HS6ST3: variants seen among roughly 807,000 people sequenced by gnomAD.
HS6ST3 encodes the protein heparan-sulfate 6-O-sulfotransferase 3.
Under a neutral mutation model 36.7 loss-of-function variants are expected in HS6ST3, and 12 were observed. The ratio of observed to expected loss-of-function variants is 0.33; its 90% CI spans 0.21 to 0.53. The LOEUF is 0.53. HS6ST3 is among the 20% of genes least tolerant of loss of function. The probability of loss-of-function intolerance (pLI) is 0.95; values close to 1 mark genes in which losing one functional copy is unlikely to be tolerated. For missense variants in HS6ST3, 584 were observed against 640.9 expected (o/e 0.91, Z 0.96); for synonymous variants, 240 against 257.5 (o/e 0.93, Z 0.65).
chr13:96,220,526 A>C (rs1184914197), intron 1 of HS6ST3, among the ~76,000 whole-genome samples: 1 of 152,072 alleles, frequency 6.6e-6, no homozygotes, highest in African/African-American at 2.4e-5. Flanking sequence ...TTTTCTCTAA[A>C]CTATTTGAGC....
chr13:96,473,297 T>A (rs2055848204), intron 1 of HS6ST3, among the ~76,000 whole-genome samples: 1 of 152,240 alleles, frequency 6.6e-6, no homozygotes, highest in Admixed American at 6.5e-5. Flanking sequence ...GTGATGAGTG[T>A]AGCCACGACT....
intron 1 of HS6ST3, among the ~76,000 whole-genome samples, chr13:96,269,783 C>T (rs1431301942): frequency 6.6e-6 from 1 of 151,956 alleles, no homozygotes; most frequent in Non-Finnish European, 1.5e-5. Flanking sequence ...AGATGATAAG[C>T]AGGATGATCT....
chr13:96,832,921 A>G lies in HS6ST3; in HGVS notation c.1139A>G (p.Asn380Ser), dbSNP rs770052568. 6 of 1,614,186 alleles carry G rather than the reference A, an allele frequency of 3.7e-6. No individual in the cohort carries two copies. The South Asian group carries it at 6.6e-5, about 18-fold the overall frequency. ...TTCATCTCCCCCTTCACACAGTTCAACATCACGCGGGCTTCTAACGTGGAG... is the reference window on the plus strand; with the variant it reads ...TTCATCTCCCCCTTCACACAGTTCAGCATCACGCGGGCTTCTAACGTGGAG... ...LKFISPFTQF[N>S]ITRASNVEIN... Residue 380 changes from asparagine (N) to serine (S), a missense_variant, in exon 2 of 2, where the codon AAC becomes AGC. Transcript: ENST00000376705.
intron 1 of HS6ST3, among the ~76,000 whole-genome samples, chr13:96,158,652 C>CAA (rs397954592): frequency 0.17 from 11,850 of 68,278 alleles, 2,431 homozygotes; most frequent in African/African-American, 0.22. Context: ...GACTCCGTCT[C>CAA]AAAAAAAAAA....
At chr13:96,247,945 G>T (rs765703242) in intron 1 of HS6ST3, among the ~76,000 whole-genome samples, 7 of 152,046 alleles carry the variant, frequency 4.6e-5, no homozygotes, top group Non-Finnish European at 1.0e-4. Flanking sequence ...CTTCTCACTT[G>T]GGTGTCAACT....
chr13:96,797,689 G>A (rs115104276), intron 1 of HS6ST3, among the ~76,000 whole-genome samples: 204 of 151,994 alleles, frequency 1.3e-3, no homozygotes, highest in African/African-American at 4.3e-3. Flanking sequence ...ACCTTTCAAC[G>A]GGATTATGTA....
chr13:96,317,555 A>G (rs1211832234), intron 1 of HS6ST3, among the ~76,000 whole-genome samples: 5 of 151,050 alleles, frequency 3.3e-5, no homozygotes. Flanking sequence ...GTAATGATCT[A>G]TTTTCCTTTG....
chr13:96,407,302 A>G (rs555309706), intron 1 of HS6ST3, among the ~76,000 whole-genome samples: 38 of 152,290 alleles, frequency 2.5e-4, no homozygotes, highest in African/African-American at 8.9e-4. Flanking sequence ...ATAGTTCTTC[A>G]GGCAGTACGT....
At chr13:96,196,221 T>C (rs564898700) in intron 1 of HS6ST3, among the ~76,000 whole-genome samples, 1 of 152,262 alleles carries the variant, frequency 6.6e-6, no homozygotes, top group East Asian at 1.9e-4. Flanking sequence ...ATTCCTGGCG[T>C]CCACCTTCTA....
intron 1 of HS6ST3, among the ~76,000 whole-genome samples, chr13:96,704,557 A>G (rs1200230100): frequency 6.6e-6 from 1 of 152,106 alleles, no homozygotes; most frequent in Non-Finnish European, 1.5e-5. Flanking sequence ...TTCAATATAG[A>G]ATTAAGGTGT....
At chr13:96,357,404 ACT>A (rs1306565923) in intron 1 of HS6ST3, among the ~76,000 whole-genome samples, 2 of 151,912 alleles carry the variant, frequency 1.3e-5, no homozygotes, top group Non-Finnish European at 2.9e-5. Flanking sequence ...GAGATGTGTG[ACT>A]CTGTCTTTCA....
chr13:96,820,025 G>A (rs1173632849), intron 1 of HS6ST3, among the ~76,000 whole-genome samples: 5 of 151,896 alleles, frequency 3.3e-5, no homozygotes, highest in Non-Finnish European at 5.9e-5. Context: ...GCTGTGAGCC[G>A]AGATCGTGCC....
At chr13:96,243,739 T>C (rs192274424) in intron 1 of HS6ST3, among the ~76,000 whole-genome samples, 5 of 152,312 alleles carry the variant, frequency 3.3e-5, no homozygotes, top group Admixed American at 3.3e-4. Flanking sequence ...AGATGCTCTT[T>C]AAAAAATTAT....
chr13:96,383,805 G>T (rs2055354015), intron 1 of HS6ST3, among the ~76,000 whole-genome samples: 2 of 152,160 alleles, frequency 1.3e-5, no homozygotes, highest in Non-Finnish European at 2.9e-5. Context: ...TTGACCTCAG[G>T]GTGAATTCTG....
intron 1 of HS6ST3, among the ~76,000 whole-genome samples, chr13:96,332,758 T>C (rs888793543): frequency 6.6e-6 from 1 of 152,252 alleles, no homozygotes; most frequent in East Asian, 1.9e-4. Flanking sequence ...ATGAACTGAC[T>C]TGTGTAGTGT....
At chr13:96,362,924 C>T (rs1325447945) in intron 1 of HS6ST3, among the ~76,000 whole-genome samples, 1 of 152,114 alleles carries the variant, frequency 6.6e-6, no homozygotes, top group Non-Finnish European at 1.5e-5. Flanking sequence ...CATTTGATTC[C>T]ATTCCACATG....
rs549600152 is a variant in HS6ST3, at chr13:96,683,974, A to C, written c.708-148516A>C. 6.6e-5 allele frequency among the ~76,000 whole-genome samples: 10 copies of C among 152,198 alleles called. No individual in the cohort carries two copies. The South Asian group carries it at 1.9e-3, about 28-fold the overall frequency. On this transcript the variant is annotated intron_variant, in intron 1 of 1. Coordinates refer to ENST00000376705, the MANE Select transcript of HS6ST3 (RefSeq NM_153456.4). ...TTGAAATGATCTTTGTATATGGGGA[A>C]ATCTGAAAGGCTGAGAGCTAAGTCA...
chr13:96,092,503 C>T (rs1054263665), intron 1 of HS6ST3, among the ~76,000 whole-genome samples: 7 of 152,228 alleles, frequency 4.6e-5, no homozygotes, highest in South Asian at 2.1e-4. Flanking sequence ...AAGGTCCTTT[C>T]TGCCCATTGC....
intron 1 of HS6ST3, among the ~76,000 whole-genome samples, chr13:96,590,530 G>T (rs1227759206): frequency 1.3e-5 from 2 of 151,654 alleles, no homozygotes; most frequent in African/African-American, 4.8e-5. Flanking sequence ...TTTTTAAATT[G>T]GATTATTAGA....
Sources: gnomAD v4.1 joint callset for allele counts (sites outside exome capture counted in the v4.1 genomes callset) on GRCh38, gnomAD v4.1.1 for gene constraint, MANE v1.5 for transcripts, NCBI Gene and HGNC (gene_info 2026-07-23, HGNC 2026-07-21) for gene names.